The following ELFN2 variants were observed in gnomAD, a reference collection of about 807,000 sequenced individuals.
The protein encoded by ELFN2 is protein phosphatase 1 regulatory subunit 29.
A neutral mutation model predicts 45.5 loss-of-function variants in ELFN2; 17 were observed. The observed-to-expected ratio is 0.37, with a 90% CI of 0.26 to 0.56. The LOEUF (loss-of-function observed/expected upper bound fraction) is 0.56, where lower values mean the gene tolerates loss of function less well. Ranked by LOEUF, ELFN2 falls within the 20% of genes least tolerant of loss-of-function variation. The pLI is 0.77. For synonymous variants in ELFN2, 550 were observed against 551.5 expected (o/e 1.00, Z 0.04); for missense variants, 922 against 1,183.2 (o/e 0.78, Z 3.24).
intron 1 of ELFN2, among the ~76,000 whole-genome samples, chr22:37,346,106 G>T (rs908295954): frequency 6.6e-5 from 10 of 152,360 alleles, no homozygotes; most frequent in Non-Finnish European, 1.0e-4. Context: ...TGAGGTTGAT[G>T]TGAGAATTAA....
intron 2 of ELFN2, among the ~76,000 whole-genome samples, chr22:37,412,357 C>T (rs948959116): frequency 2.6e-5 from 4 of 151,972 alleles, no homozygotes; most frequent in African/African-American, 9.7e-5. Context: ...ACAGTGCCTC[C>T]ACCCTCAGAC....
At chr22:37,385,788 C>T (rs1048296725) in intron 2 of ELFN2, among the ~76,000 whole-genome samples, 3 of 152,200 alleles carry the variant, frequency 2.0e-5, no homozygotes, top group Non-Finnish European at 4.4e-5. Context: ...ATCCTCCTGA[C>T]CCATGGCTCC....
intron 1 of ELFN2, among the ~76,000 whole-genome samples, chr22:37,351,225 CCCT>C (rs1251303081): frequency 1.3e-5 from 2 of 149,100 alleles, no homozygotes; most frequent in Non-Finnish European, 3.0e-5. Flanking sequence ...TCTCTTCTCT[CCCT>C]CCTCCTCACT....
At chr22:37,410,204 G>GAA (rs1339564354) in intron 2 of ELFN2, among the ~76,000 whole-genome samples, 3 of 152,138 alleles carry the variant, frequency 2.0e-5, no homozygotes, top group African/African-American at 7.2e-5. Flanking sequence ...GGCAGACAGA[G>GAA]ACAAAGAGAC....
chr22:37,413,085 G>A (rs574423717), intron 2 of ELFN2, among the ~76,000 whole-genome samples: 1 of 152,296 alleles, frequency 6.6e-6, no homozygotes, highest in East Asian at 1.9e-4. Flanking sequence ...AGGGGCTGCT[G>A]TGGCCACAGA....
At chr22:37,402,365 A>C (rs1932384835) in intron 2 of ELFN2, among the ~76,000 whole-genome samples, 1 of 152,118 alleles carries the variant, frequency 6.6e-6, no homozygotes, top group Non-Finnish European at 1.5e-5. Context: ...ATGCCATCCA[A>C]ACTGACCGCT....
intron 1 of ELFN2, among the ~76,000 whole-genome samples, chr22:37,361,474 G>A (rs965417796): frequency 4.0e-5 from 6 of 151,574 alleles, no homozygotes; most frequent in South Asian, 2.1e-4. Flanking sequence ...CCCAGTCCCC[G>A]CAGGGTCGTT....
Position 37,416,461 on chromosome 22 carries a change from G to A in ELFN2, c.-463+1308C>T, listed in dbSNP as rs868441888. Among the ~76,000 whole-genome samples the A allele has an allele frequency of 3.0e-4, 45 of 152,288 alleles. 1 individual carries two copies. In the Middle Eastern group the frequency reaches 0.014, roughly 46 times the overall value. On this transcript the variant is annotated intron_variant, in intron 2 of 2. Coordinates refer to ENST00000402918, the MANE Select transcript of ELFN2 (RefSeq NM_052906.5). ...CAGGTCCTCAGCAAACATGACGGAT[G>A]GGGACAAAGTCACTTGGGGGCAAGA...
intron 2 of ELFN2, among the ~76,000 whole-genome samples, chr22:37,406,100 C>T (rs1021645149): frequency 1.3e-5 from 2 of 152,072 alleles, no homozygotes; most frequent in Non-Finnish European, 2.9e-5. Flanking sequence ...CACGATTGCA[C>T]CACTGCACTC....
intron 1 of ELFN2, among the ~76,000 whole-genome samples, chr22:37,423,741 C>T (rs1932827724): frequency 6.6e-6 from 1 of 152,174 alleles, no homozygotes; most frequent in African/African-American, 2.4e-5. Context: ...CAGCACCCTT[C>T]CTCTGGCACC....
rs949741160 is a variant in ELFN2 at position 37,387,312 on chromosome 22, C to T, written c.-462-11316G>A. ...TGTTATAATTAACGAATTATCTCAG[C>T]GTGACAGCTGTGGTCCTTTGAAAAT... On this transcript the variant is annotated intron_variant, in intron 2 of 2. Coordinates refer to ENST00000402918, the MANE Select transcript of ELFN2 (RefSeq NM_052906.5). Among the ~76,000 whole-genome samples, 54 of 152,162 alleles carry T rather than the reference C, an allele frequency of 3.5e-4. 2 individuals carry two copies. Among genetic ancestry groups the T allele is most frequent in the Admixed American group, 6.5e-5 (1 of 15,286 alleles).
At chr22:37,419,963 C>T (rs1382843163) in intron 1 of ELFN2, among the ~76,000 whole-genome samples, 1 of 152,192 alleles carries the variant, frequency 6.6e-6, no homozygotes, top group Non-Finnish European at 1.5e-5. Context: ...GGGCACCGCG[C>T]AGAGCCCAGA....
In ELFN2 at chr22:37,394,624, C is replaced by T. The variant is rs73412238; in HGVS notation, c.-462-18628G>A. On this transcript the variant is annotated intron_variant, in intron 2 of 2. Coordinates refer to ENST00000402918, the MANE Select transcript of ELFN2 (RefSeq NM_052906.5). ...CCGCCCCGGCACACAGTAGGCAGAG[C>T]GATCCCGCAGCTTAAAGGAATGCCC... Among the ~76,000 whole-genome samples the T allele has an allele frequency of 9.9e-3, 1,515 of 152,344 alleles. 30 individuals carry two copies. Among genetic ancestry groups the T allele is most frequent in the African/African-American group, 0.034 (1,429 of 41,574 alleles).
chr22:37,346,799 C>T (rs1376712000), intron 1 of ELFN2, among the ~76,000 whole-genome samples: 1 of 152,046 alleles, frequency 6.6e-6, no homozygotes, highest in African/African-American at 2.4e-5. Context: ...CACATGCACG[C>T]AGACTGTACA....
At position 37,371,636 on chromosome 22, in the gene ELFN2, T is replaced by G. The variant is rs894839336; in HGVS notation, c.*1436A>C. 7.9e-5 allele frequency: 12 copies of G among 152,610 alleles called. No homozygotes were observed. Among genetic ancestry groups the G allele is most frequent in the Non-Finnish European group, 1.5e-4 (10 of 68,156 alleles). 9.5% of individuals were successfully genotyped at this position (152,610 alleles called of 1,614,324 possible). ...TCACCACCCTCTGCCACCGCCTACA[T>G]GGACAGAGAACCCCAGAGCCCAACG... On this transcript the variant is annotated 3_prime_UTR_variant, in exon 3 of 3. Transcript: ENST00000402918. The surrounding 1 kb of genome is among the most constrained non-coding windows in gnomAD (Gnocchi z 6.4).
At chr22:37,357,641 T>A (rs114997437) in intron 1 of ELFN2, among the ~76,000 whole-genome samples, 3,238 of 152,306 alleles carry the variant, frequency 0.021, 112 homozygotes, top group African/African-American at 0.074. Flanking sequence ...GCTCAACACG[T>A]GGCTCACGTT....
At position 37,382,612 on chromosome 22, in the gene ELFN2, C is replaced by T. The variant is rs192973838; in HGVS notation, c.-462-6616G>A. Among the ~76,000 whole-genome samples the T allele has an allele frequency of 4.3e-3, 630 of 147,376 alleles. 3 individuals carry two copies. Among genetic ancestry groups the T allele is most frequent in the African/African-American group, 0.014 (554 of 39,514 alleles). ...TCACCCAGGCTGGAGTGCAGTGGCA[C>T]GATCTCGGCTCACTGCAACCTCTGC... On this transcript the variant is annotated intron_variant, in intron 2 of 2. Coordinates refer to ENST00000402918, the MANE Select transcript of ELFN2 (RefSeq NM_052906.5).
chr22:37,416,423 G>C (rs1238404892), intron 2 of ELFN2, among the ~76,000 whole-genome samples: 2 of 152,186 alleles, frequency 1.3e-5, no homozygotes, highest in East Asian at 3.8e-4. Flanking sequence ...CCCAGAGAAC[G>C]GCACTGGGTC....
At chr22:37,351,797 C>G (rs146682829) in intron 1 of ELFN2, among the ~76,000 whole-genome samples, 1 of 151,172 alleles carries the variant, frequency 6.6e-6, no homozygotes, top group African/African-American at 2.4e-5. Context: ...CGCGGGGTCA[C>G]TCCTGACCTG....
Sources: allele counts gnomAD v4.1 joint callset (sites outside exome capture counted in the v4.1 genomes callset), GRCh38; gene constraint gnomAD v4.1.1; non-coding constraint Gnocchi (gnomAD v3.1); transcripts MANE v1.5; gene names NCBI Gene and HGNC (gene_info 2026-07-23, HGNC 2026-07-21).